TTC28: variants seen among roughly 807,000 people sequenced by gnomAD.
TTC28 encodes tetratricopeptide repeat domain 28.
TTC28 carries 61 observed loss-of-function variants against 198.0 expected under a neutral mutation model. The observed-to-expected ratio is 0.31, with a 90% CI of 0.25 to 0.38. The LOEUF is 0.38. TTC28 is among the 10% of genes least tolerant of loss of function. The pLI, the probability that TTC28 is intolerant of heterozygous loss-of-function variation, is 1.00. For missense variants in TTC28, 2,678 were observed against 3,164.0 expected, an observed-to-expected ratio of 0.85 and a Z score of 3.69; for synonymous variants, 1,171 against 1,297.8, an observed-to-expected ratio of 0.90 and a Z score of 2.10.
intron 2 of TTC28, among the ~76,000 whole-genome samples, chr22:28,612,276 C>T (rs2050831798): frequency 6.6e-6 from 1 of 152,178 alleles, no homozygotes; most frequent in Non-Finnish European, 1.5e-5. Context: ...AGAGAGCTAA[C>T]TATCCTAAAT....
chr22:28,456,864 G>A (rs1177959985), intron 2 of TTC28, among the ~76,000 whole-genome samples: 27 of 152,016 alleles, frequency 1.8e-4, no homozygotes, highest in Admixed American at 1.7e-3. Flanking sequence ...ATGTGCCACC[G>A]CACCCGGCCC....
intron 12 of TTC28, among the ~76,000 whole-genome samples, chr22:28,059,550 G>GT (rs1249385928): frequency 6.6e-6 from 1 of 151,900 alleles, no homozygotes; most frequent in Admixed American, 6.6e-5. Context: ...GGTGATTGGT[G>GT]TTTTTGTATC....
At chr22:28,413,991 TTC>T (rs1477839701) in intron 2 of TTC28, among the ~76,000 whole-genome samples, 3 of 152,158 alleles carry the variant, frequency 2.0e-5, no homozygotes, top group African/African-American at 7.2e-5. Flanking sequence ...CAGAAAAAAA[TTC>T]TCTGTTTAAT....
intron 5 of TTC28, among the ~76,000 whole-genome samples, chr22:28,188,139 A>C (rs1184746896): frequency 6.6e-6 from 1 of 152,178 alleles, no homozygotes; most frequent in African/African-American, 2.4e-5. Context: ...CTTCCAGGTA[A>C]ATAGAGCAAA....
At chr22:28,012,597 G>A (rs138672) in intron 14 of TTC28, among the ~76,000 whole-genome samples, 10,504 of 152,102 alleles carry the variant, frequency 0.069, 427 homozygotes, top group South Asian at 0.091. Context: ...TTGCAACCTC[G>A]ATCTCCCAGG....
At chr22:28,048,464 C>G (rs760040966) in intron 12 of TTC28, among the ~76,000 whole-genome samples, 2 of 151,948 alleles carry the variant, frequency 1.3e-5, no homozygotes, top group Non-Finnish European at 2.9e-5. Flanking sequence ...AAAGAATGAG[C>G]CAGGATTGGA....
rs537505855 is a variant in TTC28 at position 28,402,555 on chromosome 22, T to C, written c.382-95912A>G. 2.0e-5 allele frequency among the ~76,000 whole-genome samples: 3 copies of C among 152,330 alleles called. No individual in the cohort carries two copies. The South Asian group carries it at 6.2e-4, about 32-fold the overall frequency. On this transcript the variant is annotated intron_variant, in intron 2 of 22. Transcript: ENST00000397906. ...TTAAAATTTTTAGGCCCTACTTTTT[T>C]TTAGGCCTATCTGTAATTATTTCTC...
chr22:28,457,881 G>C (rs1218489634), intron 2 of TTC28, among the ~76,000 whole-genome samples: 1 of 151,910 alleles, frequency 6.6e-6, no homozygotes, highest in Non-Finnish European at 1.5e-5. Flanking sequence ...AAATAGTCTT[G>C]GGCAGAATAT....
Position 28,498,437 on chromosome 22 carries a change from A to T in TTC28, c.381+131115T>A, listed in dbSNP as rs149752255. Among the ~76,000 whole-genome samples the T allele has an allele frequency of 8.0e-3, 1,225 of 152,340 alleles. 14 individuals are homozygous for T. Among genetic ancestry groups the T allele is most frequent in the Non-Finnish European group, 0.013 (872 of 68,020 alleles). On this transcript the variant is annotated intron_variant, in intron 2 of 22. Coordinates refer to ENST00000397906, the MANE Select transcript of TTC28 (RefSeq NM_001145418.2). ...TGTAAGTTGAGATAAACTATTTTGG[A>T]GTACTCCCTAAACAAGACATTAATA...
At chr22:28,309,934 GATGCCT>G (rs549407153) in intron 2 of TTC28, among the ~76,000 whole-genome samples, 17 of 152,068 alleles carry the variant, frequency 1.1e-4, no homozygotes, top group Non-Finnish European at 2.4e-4. Flanking sequence ...ACTAAAGTGG[GATGCCT>G]AGATTTTCAA....
At chr22:28,377,506 G>A (rs2046430357) in intron 2 of TTC28, among the ~76,000 whole-genome samples, 1 of 151,978 alleles carries the variant, frequency 6.6e-6, no homozygotes, top group Non-Finnish European at 1.5e-5. Context: ...ATAAACTCAA[G>A]GCTAAGCAGC....
chr22:28,380,101 T>C (rs1422806971), intron 2 of TTC28, among the ~76,000 whole-genome samples: 1 of 123,746 alleles, frequency 8.1e-6, no homozygotes, highest in Non-Finnish European at 2.0e-5. Context: ...GAAATCTCTG[T>C]TCTAGTTTTG....
chr22:28,095,722 C>T (rs553492765), intron 11 of TTC28, among the ~76,000 whole-genome samples: 26 of 152,282 alleles, frequency 1.7e-4, no homozygotes, highest in African/African-American at 6.3e-4. Flanking sequence ...AAAATGGGTT[C>T]TGTTAAACTC....
At chr22:28,505,118 A>T (rs947896770) in intron 2 of TTC28, among the ~76,000 whole-genome samples, 1 of 151,888 alleles carries the variant, frequency 6.6e-6, no homozygotes, top group Non-Finnish European at 1.5e-5. Context: ...GTAGCCAGGC[A>T]TGGTGGCACA....
intron 5 of TTC28, among the ~76,000 whole-genome samples, chr22:28,165,219 C>T (rs570946341): frequency 7.2e-5 from 11 of 152,170 alleles, no homozygotes; most frequent in Non-Finnish European, 1.3e-4. Flanking sequence ...ACCTGAAAGT[C>T]ATGGGGAGAA....
At chr22:28,123,109 T>C (rs144156655) in intron 6 of TTC28, among the ~76,000 whole-genome samples, 250 of 152,296 alleles carry the variant, frequency 1.6e-3, no homozygotes, top group African/African-American at 5.6e-3. Flanking sequence ...TTACAACACA[T>C]CAGCTCACTG....
chr22:27,987,548 AT>A (rs1324230473), intron 21 of TTC28, among the ~76,000 whole-genome samples: 2 of 152,180 alleles, frequency 1.3e-5, no homozygotes. Flanking sequence ...CCTGGGTAAC[AT>A]GGCGAACCCC....
Position 28,001,551 on chromosome 22 carries a change from G to A in TTC28, c.4221C>T (p.Gly1407=), listed in dbSNP as rs758191256. The change falls in exon 15 of 23, where the codon GGC becomes GGT. Residue 1407 remains glycine, a splice_region_variant and synonymous_variant. Transcript: ENST00000397906. The part of the protein sequence containing the change: ...YDLLIAPMEG[G]LMHSSGPVGR... Reference sequence around the variant, plus strand: ...CCACGGGGCCGCTGGAGTGCATCAGGCCCTATGGAGCAAGCACGGAGAGGC... The same window carrying A: ...CCACGGGGCCGCTGGAGTGCATCAGACCCTATGGAGCAAGCACGGAGAGGC... 4 of 1,548,868 alleles carry A rather than the reference G, an allele frequency of 2.6e-6. No individual in the cohort carries two copies. The highest frequency in any genetic ancestry group is 3.5e-6 in the Non-Finnish European group (4 of 1,145,312).
chr22:28,400,178 G>A (rs2046882729), intron 2 of TTC28, among the ~76,000 whole-genome samples: 2 of 152,086 alleles, frequency 1.3e-5, no homozygotes, highest in Middle Eastern at 3.4e-3. Flanking sequence ...GATGAAATTC[G>A]GTTATTCAAG....
Sources: allele counts gnomAD v4.1 joint callset (sites outside exome capture counted in the v4.1 genomes callset), GRCh38; gene constraint gnomAD v4.1.1; transcripts MANE v1.5; gene names NCBI Gene and HGNC (gene_info 2026-07-23, HGNC 2026-07-21).